The following FANCG variants were observed in gnomAD, a reference collection of about 807,000 sequenced individuals.
The protein encoded by FANCG is FA complementation group G.
Under a neutral mutation model 73.3 loss-of-function variants are expected in FANCG, and 67 were observed. The ratio of observed to expected loss-of-function variants is 0.91; its 90% CI spans 0.75 to 1.12. The LOEUF (loss-of-function observed/expected upper bound fraction) is 1.12. FANCG is among the 50% of genes most tolerant of loss of function. FANCG has a pLI of 0.00. For missense variants in FANCG, 643 were observed against 735.6 expected, an observed-to-expected ratio of 0.87 and a Z score of 1.46; for synonymous variants, 297 against 311.6, an observed-to-expected ratio of 0.95 and a Z score of 0.49.
Position 35,074,065 on chromosome 9 carries a change from C to G in FANCG, c.*43G>C. The G allele has an allele frequency of 7.1e-7, 1 of 1,403,692 alleles. No homozygotes were observed. Among genetic ancestry groups the G allele is most frequent in the Non-Finnish European group, 1.0e-6 (1 of 988,200 alleles). The allele number at this position is 1,403,692 out of a possible 1,614,324, so 87.0% of individuals were successfully genotyped here. On this transcript the variant is annotated 3_prime_UTR_variant, in exon 14 of 14. Transcript: ENST00000378643. ...GCAGAAAGCCCTCCCCACAGAGAGA[C>G]AGCCCACTGGGGACCCAGCTCAAGC...
rs369964462 is a variant in FANCG, at chr9:35,076,041, A to C, written c.1077-13T>G. 13 of 1,613,452 alleles carry C rather than the reference A, an allele frequency of 8.1e-6. No homozygotes were observed. The highest frequency in any genetic ancestry group is 4.4e-5 in the South Asian group (4 of 91,080). On this transcript the variant is annotated splice_polypyrimidine_tract_variant and intron_variant, in intron 8 of 13. Coordinates refer to ENST00000378643, the MANE Select transcript of FANCG (RefSeq NM_004629.2). ...AGCGTCTCCTGCCCTGAGGAGTAAA[A>C]GCCCATAAGCCTCACCCTAGGCCCT...
chr9:35,078,500 C>G, intron 3 of FANCG, 105 bp downstream of exon 3: 34 of 1,572,526 alleles, frequency 2.2e-5, no homozygotes, highest in Non-Finnish European at 2.4e-5. Flanking sequence ...AAGGGCACCT[C>G]TCTCCATGGA....
Position 35,076,432 on chromosome 9 carries a change from C to T in FANCG, c.1076G>A (p.Arg359Lys), listed in dbSNP as rs755919340. The T allele has an allele frequency of 6.2e-7, 1 of 1,613,774 alleles. No individual in the cohort carries two copies. The highest frequency in any genetic ancestry group is 1.3e-5 in the African/African-American group (1 of 74,882). ...CTCAGGTGAGCAAGGGGAACCTCAC[C>T]TCCCCGTCTGTAGGCACCTGCTTGC... The part of the protein sequence containing the change: ...ILASRCLQTG[R>K]AGDAAEHYLD... Residue 359 changes from arginine (R) to lysine (K), a missense_variant and splice_region_variant, in exon 8 of 14, where the codon AGG becomes AAG. Arg to Lys is a conservative substitution (Grantham distance 26). Transcript: ENST00000378643.
intron 2 of FANCG, among the ~76,000 whole-genome samples, 199 bp from the exon 3 acceptor site, chr9:35,078,935 C>T (rs1252763508): frequency 6.6e-6 from 1 of 152,250 alleles, no homozygotes; most frequent in Non-Finnish European, 1.5e-5. Context: ...TTATCCAGAT[C>T]AGACCATCTT....
At chr9:35,078,393 C>T in intron 3 of FANCG, 50 bp from the exon 4 acceptor site, 2 of 1,584,182 alleles carry the variant, frequency 1.3e-6, no homozygotes, top group Non-Finnish European at 1.7e-6. Context: ...GAAGTAGCAC[C>T]TCATCCTCCA....
chr9:35,078,030 C>T (rs1250241380), intron 4 of FANCG, 111 bp downstream of exon 4: 14 of 1,105,786 alleles, frequency 1.3e-5, no homozygotes, highest in African/African-American at 6.1e-5. Context: ...CCAGGTTTTC[C>T]GACCACCAAC....
intron 4 of FANCG, among the ~76,000 whole-genome samples, chr9:35,077,655 C>A (rs1829111053): frequency 1.3e-5 from 2 of 152,046 alleles, no homozygotes; most frequent in South Asian, 4.1e-4. Context: ...TTCCAGCGTG[C>A]CTCCTCACTC....
chr9:35,076,738 C>G lies in FANCG; in HGVS notation c.910G>C (p.Glu304Gln), dbSNP rs1829091954. The change falls in exon 7 of 14, where the codon GAG (glutamate) becomes CAG (glutamine). Residue 304 changes from glutamate (E) to glutamine (Q), a missense_variant. Transcript: ENST00000378643. ...CAGTTCCCTACCTCAACTAGCAGCTCCAGACTCTCCAGCTCTGCTGTTGTG... is the reference window on the plus strand; with the variant it reads ...CAGTTCCCTACCTCAACTAGCAGCTGCAGACTCTCCAGCTCTGCTGTTGTG... ...GDTTAELESL[E>Q]LLVEALNVPC... 1 of 1,614,104 alleles carries G rather than the reference C, an allele frequency of 6.2e-7. No individual in the cohort carries two copies. The highest frequency in any genetic ancestry group is 8.5e-7 in the Non-Finnish European group (1 of 1,180,038).
chr9:35,079,584 C>T lies in FANCG; in HGVS notation c.-60G>A. ...ACTTAGGAAGGGTGAAGCTGGCCTG[C>T]CCAAGCTCCCAACCCCAGCGGGGAG... On this transcript the variant is annotated 5_prime_UTR_variant, in exon 1 of 14. Coordinates refer to ENST00000378643, the MANE Select transcript of FANCG (RefSeq NM_004629.2). The T allele has an allele frequency of 6.4e-7, 1 of 1,551,588 alleles. No homozygotes were observed. Among genetic ancestry groups the T allele is most frequent in the South Asian group, 1.1e-5 (1 of 89,688 alleles).
chr9:35,078,743 C>G lies in FANCG; in HGVS notation c.176-7G>C, dbSNP rs1829130887. ...GGAACAGCTGCAGGGAGCCCTGGAG[C>G]AACAATGTTGGTCTTACAGACTGCT... On this transcript the variant is annotated splice_polypyrimidine_tract_variant and splice_region_variant and intron_variant, in intron 2 of 13. Transcript: ENST00000378643. 6.2e-7 allele frequency: 1 copy of G among 1,614,004 alleles called. No homozygotes were observed. Among genetic ancestry groups the G allele is most frequent in the African/African-American group, 1.3e-5 (1 of 74,926 alleles).
chr9:35,075,834 C>A, intron 9 of FANCG, 80 bp from the exon 10 acceptor site: 1 of 1,533,628 alleles, frequency 6.5e-7, no homozygotes. Context: ...TGGTACCATG[C>A]AGAGTCCTGG....
rs1587138702 is a variant in FANCG at position 35,074,488 on chromosome 9, C to T, written c.1643G>A (p.Arg548Gln). ...CTGAAGCAGGTGAAAGTAAGTGTCT[C>T]GATTACCTGTAGCCCCAGCCCAGAG... is the stretch of plus-strand genomic sequence containing the variant. ...LLSVQMCPGN[R>Q]DTYFHLLQTL... The change falls in exon 13 of 14, where the codon CGA (arginine) becomes CAA (glutamine). Residue 548 changes from arginine (R) to glutamine (Q), a missense_variant. By Grantham distance (43) the Arg-to-Gln change is conservative. Coordinates refer to ENST00000378643, the MANE Select transcript of FANCG (RefSeq NM_004629.2). 4 of 1,613,994 alleles carry T rather than the reference C, an allele frequency of 2.5e-6. No homozygotes were observed. The highest frequency in any genetic ancestry group is 3.4e-6 in the Non-Finnish European group (4 of 1,180,012).
chr9:35,079,173 T>G lies in FANCG; in HGVS notation c.153A>C (p.Arg51Ser). Residue 51 changes from arginine (R) to serine (S), a missense_variant, in exon 2 of 14, where the codon AGA (arginine) becomes AGC (serine). By Grantham distance (110) the Arg-to-Ser change is moderately radical. Transcript: ENST00000378643. ...QLAQDALEGL[R>S]GLLHSLQGLP... ...TACCTTGCAGACTATGGAGGAGCCC[T>G]CTGAGCCCTTCCAGTGCATCCTGAG... 6.2e-7 allele frequency: 1 copy of G among 1,608,072 alleles called. No homozygotes were observed. The highest frequency in any genetic ancestry group is 8.5e-7 in the Non-Finnish European group (1 of 1,177,356).
intron 12 of FANCG, 53 bp from the exon 13 acceptor site, chr9:35,074,547 ATTGT>A (rs1563985255): frequency 6.2e-7 from 1 of 1,612,422 alleles, no homozygotes; most frequent in Non-Finnish European, 8.5e-7. Flanking sequence ...AGTCTTAGGC[ATTGT>A]TTTATAAAAA....
intron 2 of FANCG, 94 bp from the exon 3 acceptor site, chr9:35,078,830 C>T (rs1829132392): frequency 6.6e-7 from 1 of 1,521,796 alleles, no homozygotes; most frequent in Non-Finnish European, 9.1e-7. Flanking sequence ...CCAACCAAAA[C>T]AGCTACAATA....
rs2131056440 is a variant in FANCG at position 35,076,992 on chromosome 9, C to T, written c.756G>A (p.Leu252=). ...RPVLVQVYTA[L]GSCHRKMGNP... is the part of the protein sequence containing the mutation. Reference sequence around the variant, plus strand: ...TTACCATCTTACGGTGACAGGACCCCAGTGCTGTGTACACCTGGACCAACA... The same window carrying T: ...TTACCATCTTACGGTGACAGGACCCTAGTGCTGTGTACACCTGGACCAACA... Residue 252 remains leucine, a synonymous_variant, in exon 6 of 14, where the codon CTG becomes CTA. Coordinates refer to ENST00000378643, the MANE Select transcript of FANCG (RefSeq NM_004629.2). 1 of 1,614,218 alleles carries T rather than the reference C, an allele frequency of 6.2e-7. No homozygotes were observed. The highest frequency in any genetic ancestry group is 1.7e-5 in the Admixed American group (1 of 60,028).
chr9:35,079,490 C>G lies in FANCG; in HGVS notation c.35G>C (p.Cys12Ser). 1 of 1,614,176 alleles carries G rather than the reference C, an allele frequency of 6.2e-7. No individual in the cohort carries two copies. The highest frequency in any genetic ancestry group is 8.5e-7 in the Non-Finnish European group (1 of 1,180,046). The change falls in exon 1 of 14, where the codon TGC (cysteine) becomes TCC (serine). Residue 12 changes from cysteine (C) to serine (S), a missense_variant. Cys to Ser is a moderately radical substitution (Grantham distance 112, BLOSUM62 -1). Transcript: ENST00000378643. ...ATTCTTTTCCCTCCACAGGTCCAGG[C>G]AGCTGGAGCCCACAGAGGTGGTCTG... ...SRQTTSVGSSCLDLWREKNDR... is the reference protein window; with the variant it reads ...SRQTTSVGSSSLDLWREKNDR...
Position 35,078,236 on chromosome 9 carries a change from G to C in FANCG, c.415C>G (p.Leu139Val). 6.2e-7 allele frequency: 1 copy of C among 1,614,162 alleles called. No homozygotes were observed. Among genetic ancestry groups the C allele is most frequent in the Non-Finnish European group, 8.5e-7 (1 of 1,180,040 alleles). The change falls in exon 4 of 14, where the codon CTG becomes GTG. Residue 139 changes from leucine to valine, a missense_variant. Leu to Val is a conservative substitution (Grantham distance 32). Transcript: ENST00000378643. ...GCCTGCAGGCCAACCAGGCGGTGCA[G>C]GGCAGACAGCAGCTCCGGCAGAAGG... ...SCLLPELLSA[L>V]HRLVGLQAAL...
chr9:35,075,548 G>C lies in FANCG; in HGVS notation c.1350C>G (p.Leu450=). ...GAAGCAGGTGGGTGGCAGAGACCCAGAGTGGGCAGTATGGCAGTTCCTTGG... is the reference window on the plus strand; with the variant it reads ...GAAGCAGGTGGGTGGCAGAGACCCACAGTGGGCAGTATGGCAGTTCCTTGG... ...KGTKELPYCP[L]WVSATHLLQG... The change falls in exon 10 of 14, where the codon CTC becomes CTG. Residue 450 remains leucine, a synonymous_variant. Transcript: ENST00000378643. The C allele has an allele frequency of 1.2e-6, 2 of 1,614,188 alleles. No individual in the cohort carries two copies. The highest frequency in any genetic ancestry group is 1.7e-6 in the Non-Finnish European group (2 of 1,180,044).
Sources: allele counts gnomAD v4.1 joint callset (sites outside exome capture counted in the v4.1 genomes callset), GRCh38; gene constraint gnomAD v4.1.1; transcripts MANE v1.5; gene names NCBI Gene and HGNC (gene_info 2026-07-23, HGNC 2026-07-21).